Variants in MYT1L observed in about 807,000 individuals in gnomAD.
MYT1L encodes myelin transcription factor 1 like.
A neutral mutation model predicts 126.7 loss-of-function variants in MYT1L; 12 were observed. The observed-to-expected ratio is 0.09, with a 90% CI of 0.06 to 0.15. The LOEUF is 0.15. Ranked by LOEUF, MYT1L falls within the 10% of genes least tolerant of loss-of-function variation. The pLI, the probability that MYT1L is intolerant of heterozygous loss-of-function variation, is 1.00. For missense variants in MYT1L, 979 were observed against 1,585.2 expected (o/e 0.62, Z 6.49); for synonymous variants, 541 against 604.2 (o/e 0.90, Z 1.53).
chr2:2,015,748 C>T (rs188026993), intron 4 of MYT1L, among the ~76,000 whole-genome samples: 53 of 152,340 alleles, frequency 3.5e-4, no homozygotes, highest in Non-Finnish European at 8.8e-5. Context: ...CGGCTGTCCA[C>T]TCTGCCCCGG....
chr2:1,833,327 A>G (rs1241133042), intron 21 of MYT1L, among the ~76,000 whole-genome samples: 2 of 152,000 alleles, frequency 1.3e-5, no homozygotes, highest in South Asian at 2.1e-4. Context: ...TGCGTCTGCT[A>G]TGTGGCTTGG....
intron 3 of MYT1L, among the ~76,000 whole-genome samples, chr2:2,166,661 C>T (rs1325327009): frequency 6.6e-6 from 1 of 152,164 alleles, no homozygotes; most frequent in Non-Finnish European, 1.5e-5. Context: ...TTTCACGTTT[C>T]TTTTAAATTT....
Position 2,143,538 on chromosome 2 carries a change from C to T in MYT1L, c.-304+29334G>A, listed in dbSNP as rs535851377. 2.0e-5 allele frequency among the ~76,000 whole-genome samples: 3 copies of T among 152,164 alleles called. No homozygotes were observed. The South Asian group carries it at 6.2e-4, about 32-fold the overall frequency. On this transcript the variant is annotated intron_variant, in intron 3 of 24. Transcript: ENST00000647738. ...TCAGGGGGTAGGAGCCTCACTTACT[C>T]ACGTACCACTGAGCCTTTGTTTAAG...
chr2:1,943,173 T>A lies in MYT1L; in HGVS notation c.314A>T (p.Asp105Val). The A allele has an allele frequency of 6.5e-7, 1 of 1,549,992 alleles. No homozygotes were observed. Among genetic ancestry groups the A allele is most frequent in the Non-Finnish European group, 8.7e-7 (1 of 1,145,668 alleles). The change falls in exon 9 of 25, where the codon GAT (aspartate) becomes GTT (valine). Residue 105 changes from aspartate (D) to valine (V), a missense_variant. Asp to Val is a radical substitution (Grantham distance 152). Transcript: ENST00000647738. The surrounding 1 kb of genome is among the most constrained non-coding windows in gnomAD (Gnocchi z 4.4). ...GTEDMDEKEEDEGEEYSEDND... is the reference protein window; with the variant it reads ...GTEDMDEKEEVEGEEYSEDND... ...GTCCTCGGAGTACTCCTCCCCCTCA[T>A]CCTCCTCCTTCTCATCCATGTCCTC... is the stretch of plus-strand genomic sequence containing the variant.
intron 8 of MYT1L, among the ~76,000 whole-genome samples, chr2:1,944,013 C>T (rs1432961633): frequency 6.6e-6 from 1 of 152,302 alleles, no homozygotes; most frequent in African/African-American, 2.4e-5. Flanking sequence ...GTAATCACCA[C>T]TAAATCACGC....
At chr2:2,101,163 A>G (rs1028791854) in intron 3 of MYT1L, among the ~76,000 whole-genome samples, 61 of 152,100 alleles carry the variant, frequency 4.0e-4, no homozygotes, top group Admixed American at 3.2e-3. Flanking sequence ...ATATTTCCTG[A>G]TAAGTTTTGA....
chr2:1,875,604 C>A (rs540179495), intron 18 of MYT1L, among the ~76,000 whole-genome samples: 1 of 152,222 alleles, frequency 6.6e-6, no homozygotes, highest in African/African-American at 2.4e-5. Context: ...CCCGGCCTCA[C>A]TGCCGTTCTG....
intron 1 of MYT1L, among the ~76,000 whole-genome samples, chr2:2,313,258 C>T (rs1333647364): frequency 1.4e-5 from 2 of 138,758 alleles, no homozygotes; most frequent in African/African-American, 5.3e-5. Context: ...AAGATCTCAG[C>T]TGATAAAAAA....
At chr2:1,885,130 T>C (rs1310549891) in intron 18 of MYT1L, 1 of 152,278 alleles carries the variant, frequency 6.6e-6, no homozygotes, top group Non-Finnish European at 1.5e-5. Context: ...TTTGGCAAAG[T>C]GTCCCTCATC....
intron 2 of MYT1L, among the ~76,000 whole-genome samples, chr2:2,266,252 C>T (rs577850778): frequency 1.7e-4 from 26 of 152,306 alleles, no homozygotes; most frequent in African/African-American, 3.8e-4. Flanking sequence ...TAAGATCTAC[C>T]GGACTTCACT....
At position 2,216,806 on chromosome 2, in the gene MYT1L, A is replaced by G. The variant is rs139264841; in HGVS notation, c.-420-43818T>C. Among the ~76,000 whole-genome samples, 413 of 150,794 alleles carry G rather than the reference A, an allele frequency of 2.7e-3. 7 individuals are homozygous for G. The highest frequency in any genetic ancestry group is 0.018 in the Admixed American group (275 of 15,098). The stretch of plus-strand genomic sequence containing the variant: ...GAGAGAGAAAGAGAGAGAGAGAGAG[A>G]GAACACAATTACCAATGTCAGGAGT... On this transcript the variant is annotated intron_variant, in intron 2 of 24. Coordinates refer to ENST00000647738, the MANE Select transcript of MYT1L (RefSeq NM_001303052.2).
intron 4 of MYT1L, among the ~76,000 whole-genome samples, chr2:2,030,100 A>T (rs902231827): frequency 1.3e-5 from 2 of 151,936 alleles, no homozygotes; most frequent in Non-Finnish European, 1.5e-5. Context: ...TTGTTTGTTT[A>T]GTTTGTTTGT....
chr2:1,910,130 T>C lies in MYT1L; in HGVS notation c.1817+110A>G, dbSNP rs1410360363. 7.0e-6 allele frequency: 7 copies of C among 1,003,658 alleles called. No homozygotes were observed. The African/African-American group carries it at 1.1e-4, about 16-fold the overall frequency. 62.2% of individuals were successfully genotyped at this position (1,003,658 alleles called of 1,614,324 possible). A position where few individuals can be genotyped will look rare whatever the true frequency, so the allele number is the denominator to read the frequency against. On this transcript the variant is annotated intron_variant, in intron 13 of 24. Coordinates refer to ENST00000647738, the MANE Select transcript of MYT1L (RefSeq NM_001303052.2). This position sits in a 1 kb window ranked among gnomAD's most constrained non-coding sequence, Gnocchi z 4.8. ...CTTCCAGCACAGCCCCGCCCTCCAG[T>C]CCCTGCCCCTGCTGCTGTAGGGACA...
At chr2:2,174,770 T>C (rs1559228816) in intron 2 of MYT1L, among the ~76,000 whole-genome samples, 1 of 152,150 alleles carries the variant, frequency 6.6e-6, no homozygotes, top group Non-Finnish European at 1.5e-5. Context: ...TCAAATGTTA[T>C]TGATTGTATG....
At position 2,131,186 on chromosome 2, in the gene MYT1L, C is replaced by T. The variant is rs552953123; in HGVS notation, c.-304+41686G>A. ...ACCAAAGCAAGGAGCCCACCAGGTA[C>T]ACAGAGCTCACCTCGTGCAGCTCGG... On this transcript the variant is annotated intron_variant, in intron 3 of 24. Transcript: ENST00000647738. 1.5e-3 allele frequency among the ~76,000 whole-genome samples: 224 copies of T among 152,292 alleles called. 1 individual carries two copies. Among genetic ancestry groups the T allele is most frequent in the Non-Finnish European group, 2.6e-3 (175 of 68,028 alleles).
chr2:2,074,448 A>G (rs756144923), intron 3 of MYT1L, among the ~76,000 whole-genome samples: 9 of 152,234 alleles, frequency 5.9e-5, no homozygotes, highest in Non-Finnish European at 7.3e-5. Context: ...GCATTACAAA[A>G]GGAGTGGTAA....
intron 2 of MYT1L, among the ~76,000 whole-genome samples, chr2:2,236,806 TTCTTCTTC>T (rs1490553429): frequency 6.9e-3 from 99 of 14,440 alleles, no homozygotes; most frequent in South Asian, 0.013. Context: ...CTTCTTCTTC[TTCTTCTTC>T]TTTTTTTTTT....
chr2:2,224,836 A>G lies in MYT1L; in HGVS notation c.-420-51848T>C, dbSNP rs1007187288. On this transcript the variant is annotated intron_variant, in intron 2 of 24. Coordinates refer to ENST00000647738, the MANE Select transcript of MYT1L (RefSeq NM_001303052.2). This position sits in a 1 kb window ranked among gnomAD's most constrained non-coding sequence, Gnocchi z 4.0. ...TCCGTCTCAAAAGAAAAAAAAAAAA[A>G]GGAAAATAAATGTTTCAAATCCTTG... 5.5e-5 allele frequency among the ~76,000 whole-genome samples: 8 copies of G among 144,846 alleles called. No individual in the cohort carries two copies. Among genetic ancestry groups the G allele is most frequent in the African/African-American group, 2.0e-4 (8 of 39,082 alleles).
At chr2:1,805,765 A>G (rs2147952652) in intron 22 of MYT1L, among the ~76,000 whole-genome samples, 1 of 152,306 alleles carries the variant, frequency 6.6e-6, no homozygotes, top group South Asian at 2.1e-4. Context: ...GCACATCTGT[A>G]GTCCCAGCTA....
Sources: gnomAD v4.1 joint callset for allele counts (sites outside exome capture counted in the v4.1 genomes callset) on GRCh38, gnomAD v4.1.1 for gene constraint, Gnocchi (gnomAD v3.1) non-coding constraint, MANE v1.5 for transcripts, NCBI Gene and HGNC (gene_info 2026-07-23, HGNC 2026-07-21) for gene names.